The following DNAH14 variants were observed in gnomAD, a reference collection of about 807,000 sequenced individuals.
DNAH14 encodes the protein dynein axonemal heavy chain 14.
In DNAH14, 478 loss-of-function variants were observed where a neutral mutation model predicts 520.9. The ratio of observed to expected loss-of-function variants is 0.92; its 90% confidence interval spans 0.85 to 0.99. The LOEUF (loss-of-function observed/expected upper bound fraction) is 0.99. DNAH14 is among the 50% of genes least tolerant of loss of function. The pLI, the probability that DNAH14 is intolerant of heterozygous loss-of-function variation, is 0.00. For missense variants in DNAH14, 4,831 were observed against 5,234.5 expected, an observed-to-expected ratio of 0.92 and a Z score of 2.38; for synonymous variants, 1,581 against 1,757.2, an observed-to-expected ratio of 0.90 and a Z score of 2.51.
At chr1:225,175,833 C>T (rs59493468) in intron 36 of DNAH14, among the ~76,000 whole-genome samples, 1 of 151,036 alleles carries the variant, frequency 6.6e-6, no homozygotes, top group Non-Finnish European at 1.5e-5. Flanking sequence ...TATTTTCCTG[C>T]ACAAGCTCTG....
chr1:225,125,131 T>C (rs2077613675), intron 27 of DNAH14, among the ~76,000 whole-genome samples: 1 of 152,190 alleles, frequency 6.6e-6, no homozygotes, highest in Admixed American at 6.5e-5. Context: ...GGCCTTGTTG[T>C]TCCATTTGTA....
At chr1:225,131,740 G>A (rs2078445093) in intron 27 of DNAH14, among the ~76,000 whole-genome samples, 1 of 152,100 alleles carries the variant, frequency 6.6e-6, no homozygotes, top group Admixed American at 6.6e-5. Context: ...TTGTTTTTCT[G>A]GGTCTCATAA....
At chr1:225,057,265 T>C (rs916328883) in intron 17 of DNAH14, among the ~76,000 whole-genome samples, 1 of 152,230 alleles carries the variant, frequency 6.6e-6, no homozygotes, top group Non-Finnish European at 1.5e-5. Flanking sequence ...GTAAGTTGGA[T>C]TCCTAGGTAT....
intron 66 of DNAH14, among the ~76,000 whole-genome samples, chr1:225,335,552 C>T (rs1296240419): frequency 1.2e-5 from 1 of 86,426 alleles, no homozygotes; most frequent in East Asian, 4.7e-4. Flanking sequence ...TACGTATATA[C>T]ATATGTACAT....
At chr1:225,185,672 T>A (rs2084614319) in intron 37 of DNAH14, among the ~76,000 whole-genome samples, 1 of 151,878 alleles carries the variant, frequency 6.6e-6, no homozygotes, top group Non-Finnish European at 1.5e-5. Context: ...TTTTAATTTC[T>A]TATTGTTTTT....
At chr1:225,137,983 G>C (rs560147264) in intron 27 of DNAH14, among the ~76,000 whole-genome samples, 12 of 152,230 alleles carry the variant, frequency 7.9e-5, no homozygotes, top group Admixed American at 7.8e-4. Flanking sequence ...GGAGTGAGTC[G>C]GGCCCCAGTT....
chr1:225,173,525 G>A (rs1453756650), intron 36 of DNAH14, among the ~76,000 whole-genome samples: 1 of 152,170 alleles, frequency 6.6e-6, no homozygotes, highest in Non-Finnish European at 1.5e-5. Context: ...ATCATCACTG[G>A]CCATCAGAGA....
At chr1:225,192,640 A>G (rs990115033) in intron 37 of DNAH14, 56 bp from the exon 38 acceptor site, 1 of 1,237,854 alleles carries the variant, frequency 8.1e-7, no homozygotes, top group Admixed American at 2.4e-5. Context: ...ATGCAAATAA[A>G]CTAAATAATT....
intron 42 of DNAH14, among the ~76,000 whole-genome samples, chr1:225,235,296 A>T (rs1249597797): frequency 6.6e-6 from 1 of 152,222 alleles, no homozygotes; most frequent in East Asian, 1.9e-4. Context: ...CTATTGAGAT[A>T]ATCATGTGAT....
intron 1 of DNAH14, among the ~76,000 whole-genome samples, chr1:224,943,279 C>T (rs368373007): frequency 6.6e-6 from 1 of 151,746 alleles, no homozygotes; most frequent in African/African-American, 2.4e-5. Flanking sequence ...AGTTTATTTG[C>T]GTAGAGGTGT....
chr1:225,053,722 G>A (rs78896756), intron 17 of DNAH14, among the ~76,000 whole-genome samples: 171 of 152,290 alleles, frequency 1.1e-3, no homozygotes, highest in African/African-American at 4.0e-3. Flanking sequence ...CAGGTTTTGG[G>A]TTGGGCAACA....
chr1:225,349,881 G>A (rs2095341017), intron 71 of DNAH14, among the ~76,000 whole-genome samples: 1 of 152,162 alleles, frequency 6.6e-6, no homozygotes, highest in Non-Finnish European at 1.5e-5. Context: ...TTTCAATAGC[G>A]AATAAAACAA....
intron 8 of DNAH14, among the ~76,000 whole-genome samples, chr1:224,977,021 A>G (rs1349619422): frequency 6.0e-5 from 9 of 151,226 alleles, no homozygotes; most frequent in Non-Finnish European, 8.9e-5. Flanking sequence ...TCATGCTGCT[A>G]TAAAGACACA....
chr1:225,274,268 G>C (rs1020880216), intron 52 of DNAH14, among the ~76,000 whole-genome samples: 1 of 141,512 alleles, frequency 7.1e-6, no homozygotes, highest in Non-Finnish European at 1.5e-5. Flanking sequence ...GCTGTGGCGC[G>C]ATCTCTGCTC....
intron 35 of DNAH14, among the ~76,000 whole-genome samples, chr1:225,165,570 T>TTTGG (rs3043025): frequency 0.14 from 20,854 of 150,366 alleles, 1,681 homozygotes; most frequent in South Asian, 0.23. Flanking sequence ...TACTTGTTTG[T>TTTGG]TTGGTTGGTT....
intron 60 of DNAH14, among the ~76,000 whole-genome samples, chr1:225,312,576 T>C (rs535197842): frequency 3.3e-5 from 5 of 152,352 alleles, no homozygotes; most frequent in South Asian, 2.1e-4. Flanking sequence ...ATATTGGCTG[T>C]AGGTTTGTCA....
chr1:225,170,824 C>G (rs2082552179), intron 36 of DNAH14, among the ~76,000 whole-genome samples: 1 of 152,206 alleles, frequency 6.6e-6, no homozygotes, highest in Non-Finnish European at 1.5e-5. Context: ...ACATTCTTCT[C>G]AGCACCACAC....
chr1:225,075,308 G>A (rs371635656), intron 17 of DNAH14, among the ~76,000 whole-genome samples: 2 of 152,010 alleles, frequency 1.3e-5, no homozygotes, highest in African/African-American at 2.4e-5. Context: ...TCCGTGGGTC[G>A]AGTTGTTTCC....
intron 10 of DNAH14, among the ~76,000 whole-genome samples, chr1:225,007,820 A>G (rs552765586): frequency 6.6e-6 from 1 of 152,028 alleles, no homozygotes; most frequent in Non-Finnish European, 1.5e-5. Context: ...AATGCTAAGG[A>G]TGATGATTCT....
Sources: gnomAD v4.1 joint callset for allele counts (sites outside exome capture counted in the v4.1 genomes callset) on GRCh38, gnomAD v4.1.1 for gene constraint, MANE v1.5 for transcripts, NCBI Gene and HGNC (gene_info 2026-07-23, HGNC 2026-07-21) for gene names.